Variants in ALG6 observed in about 807,000 individuals in gnomAD.
The protein encoded by ALG6 is ALG6 alpha-1,3-glucosyltransferase.
Under a neutral mutation model 66.6 loss-of-function variants are expected in ALG6, and 46 were observed. That is an observed-to-expected ratio of 0.69 (90% CI 0.55 to 0.88). ALG6 has a LOEUF of 0.88. Ranked by LOEUF, ALG6 falls within the 40% of genes least tolerant of loss-of-function variation. ALG6 has a pLI of 0.00. For synonymous variants in ALG6, 185 were observed against 203.7 expected, an observed-to-expected ratio of 0.91 and a Z score of 0.78; for missense variants, 505 against 586.8, an observed-to-expected ratio of 0.86 and a Z score of 1.44.
Position 63,437,617 on chromosome 1 carries a change from ATTGTT to A in ALG6, c.*600_*604del, listed in dbSNP as rs1644692521. 6.6e-6 allele frequency: 1 copy of A among 152,206 alleles called. No homozygotes were observed. Among genetic ancestry groups the A allele is most frequent in the Admixed American group, 6.6e-5 (1 of 15,258 alleles). The allele number at this position is 152,206 out of a possible 1,614,324, so 9.4% of individuals were successfully genotyped here. A position where few individuals can be genotyped will look rare whatever the true frequency, so the allele number is the denominator to read the frequency against. On this transcript the variant is annotated 3_prime_UTR_variant, in exon 15 of 15. Coordinates refer to ENST00000263440, the MANE Select transcript of ALG6 (RefSeq NM_013339.4). Reference sequence around the variant, plus strand: ...ATGCCTTATTACACATGCAAATTTGATTGTTTTAACAAGGCAAATAAACCATAATC... The same window carrying A: ...ATGCCTTATTACACATGCAAATTTGATTAACAAGGCAAATAAACCATAATC...
chr1:63,414,575 C>T (rs1267085702), intron 10 of ALG6, among the ~76,000 whole-genome samples: 1 of 152,150 alleles, frequency 6.6e-6, no homozygotes, highest in Non-Finnish European at 1.5e-5. Flanking sequence ...AGAGGATTTT[C>T]CACATAAAAG....
At chr1:63,381,845 A>G (rs1023214044) in intron 2 of ALG6, among the ~76,000 whole-genome samples, 1 of 152,094 alleles carries the variant, frequency 6.6e-6, no homozygotes, top group Admixed American at 6.5e-5. Flanking sequence ...TTAAAATACT[A>G]TTTTTGGTAT....
chr1:63,411,107 T>A, intron 7 of ALG6, 39 bp from the exon 8 acceptor site: 1 of 1,605,168 alleles, frequency 6.2e-7, no homozygotes, highest in Non-Finnish European at 8.5e-7. Context: ...TCTATCTTTT[T>A]AAAAGATTAT....
intron 2 of ALG6, among the ~76,000 whole-genome samples, chr1:63,388,717 G>C (rs2100397301): frequency 6.6e-6 from 1 of 152,190 alleles, no homozygotes; most frequent in African/African-American, 2.4e-5. Context: ...TTTCTTTCTG[G>C]TTGAAGAACT....
At position 63,370,987 on chromosome 1, in the gene ALG6, T is replaced by C; in HGVS notation, c.10T>C (p.Trp4Arg). The C allele has an allele frequency of 6.2e-7, 1 of 1,606,936 alleles. No homozygotes were observed. The highest frequency in any genetic ancestry group is 8.5e-7 in the Non-Finnish European group (1 of 1,173,552). ...CTAAATTTGAAGAACTATGGAGAAATGGTACTTGATGACAGTAGTGGTTTT... is the reference window on the plus strand; with the variant it reads ...CTAAATTTGAAGAACTATGGAGAAACGGTACTTGATGACAGTAGTGGTTTT... MEK[W>R]YLMTVVVLIG... The change falls in exon 2 of 15, where the codon TGG (tryptophan) becomes CGG (arginine). Residue 4 changes from tryptophan (W) to arginine (R), a missense_variant. Coordinates refer to ENST00000263440, the MANE Select transcript of ALG6 (RefSeq NM_013339.4).
intron 2 of ALG6, among the ~76,000 whole-genome samples, chr1:63,386,890 G>A (rs2100395419): frequency 6.6e-6 from 1 of 152,072 alleles, no homozygotes; most frequent in South Asian, 2.1e-4. Flanking sequence ...TTGTTTATTT[G>A]AAGTTTTTCT....
intron 12 of ALG6, among the ~76,000 whole-genome samples, chr1:63,425,914 A>G (rs1644612868): frequency 6.6e-6 from 1 of 151,948 alleles, no homozygotes; most frequent in East Asian, 1.9e-4. Context: ...GGTAGGATCA[A>G]AAGATTGTCG....
chr1:63,371,042 C>G lies in ALG6; in HGVS notation c.65C>G (p.Ser22Cys). The stretch of plus-strand genomic sequence containing the variant: ...GGACTAACAGTACGATGGACAGTGT[C>G]TCTTAATTCTTATTCAGGTAATACA... ...LIGLTVRWTVSLNSYSGAGKP... is the reference protein window; with the variant it reads ...LIGLTVRWTVCLNSYSGAGKP... Residue 22 changes from serine (S) to cysteine (C), a missense_variant, in exon 2 of 15, where the codon TCT (serine) becomes TGT (cysteine). Physicochemically the swap from Ser to Cys is moderately radical, Grantham distance 112 (BLOSUM62 -1). Coordinates refer to ENST00000263440, the MANE Select transcript of ALG6 (RefSeq NM_013339.4). 1 of 1,605,234 alleles carries G rather than the reference C, an allele frequency of 6.2e-7. No homozygotes were observed. The highest frequency in any genetic ancestry group is 8.5e-7 in the Non-Finnish European group (1 of 1,172,332).
At chr1:63,408,026 A>C (rs1046583865) in intron 7 of ALG6, among the ~76,000 whole-genome samples, 13 of 152,182 alleles carry the variant, frequency 8.5e-5, no homozygotes, top group Non-Finnish European at 1.3e-4. Context: ...TTAAAACTAT[A>C]TTTACTTTGA....
At chr1:63,393,303 T>C (rs1308641794) in intron 2 of ALG6, among the ~76,000 whole-genome samples, 2 of 152,202 alleles carry the variant, frequency 1.3e-5, no homozygotes, top group South Asian at 2.1e-4. Flanking sequence ...ATTTTTATTA[T>C]TGTAGGTTAT....
intron 12 of ALG6, among the ~76,000 whole-genome samples, chr1:63,427,633 C>T (rs1305829968): frequency 6.6e-6 from 1 of 151,864 alleles, no homozygotes; most frequent in Non-Finnish European, 1.5e-5. Flanking sequence ...CTCAAGGTCA[C>T]ACAGTAAATA....
chr1:63,379,085 A>G (rs1355422396), intron 2 of ALG6, among the ~76,000 whole-genome samples: 3 of 151,830 alleles, frequency 2.0e-5, no homozygotes. Context: ...CTGATTTCAT[A>G]GTTTTTTGTT....
At chr1:63,403,271 T>G (rs1482369369) in intron 4 of ALG6, among the ~76,000 whole-genome samples, 2 of 152,088 alleles carry the variant, frequency 1.3e-5, no homozygotes, top group Non-Finnish European at 2.9e-5. Context: ...ATAAGAAAGT[T>G]TTTTTTCTGG....
chr1:63,373,916 C>T (rs1006454744), intron 2 of ALG6, among the ~76,000 whole-genome samples: 3 of 152,000 alleles, frequency 2.0e-5, no homozygotes, highest in African/African-American at 7.3e-5. Flanking sequence ...GCCACTGCGC[C>T]CAATTTTTTC....
At chr1:63,419,575 GT>G (rs529330200) in intron 12 of ALG6, 135 bp downstream of exon 12, 6 of 703,596 alleles carry the variant, frequency 8.5e-6, no homozygotes, top group Admixed American at 3.6e-5. Flanking sequence ...TCATAGTCAG[GT>G]TTTTTTCCAG....
intron 3 of ALG6, among the ~76,000 whole-genome samples, chr1:63,399,470 C>T (rs928764847): frequency 4.6e-5 from 7 of 152,096 alleles, no homozygotes; most frequent in Non-Finnish European, 8.8e-5. Context: ...CTGTCTACCA[C>T]GACAGTATAG....
rs1222385647 is a variant in ALG6, at chr1:63,437,906, G to C, written c.*886G>C. On this transcript the variant is annotated 3_prime_UTR_variant, in exon 15 of 15. Transcript: ENST00000263440. ...CATCCTATTAATACTGTATCACCCT[G>C]TATTAGCAGAAGCCAATATTTATTA... The C allele has an allele frequency of 1.3e-5, 2 of 151,878 alleles. No individual in the cohort carries two copies. Among genetic ancestry groups the C allele is most frequent in the Non-Finnish European group, 2.9e-5 (2 of 67,974 alleles). The allele number at this position is 151,878 out of a possible 1,614,324, so 9.4% of individuals were successfully genotyped here.
chr1:63,385,184 CTTTTTTTTTTTTTTTTTTTTTTTT>C (rs1165046824), intron 2 of ALG6, among the ~76,000 whole-genome samples: 2 of 58,954 alleles, frequency 3.4e-5, no homozygotes, highest in African/African-American at 6.6e-5. Flanking sequence ...TTTACTTCTT[CTTTTTTTTTTTTTTTTTTTTTTTT>C]TTTTTTTTTG....
chr1:63,402,233 T>G, intron 3 of ALG6, 21 bp from the exon 4 acceptor site: 1 of 1,428,766 alleles, frequency 7.0e-7, no homozygotes, highest in Non-Finnish European at 9.9e-7. Flanking sequence ...AATGGTGCTT[T>G]CTTCTTTTTT....
Sources: gnomAD v4.1 joint callset for allele counts (sites outside exome capture counted in the v4.1 genomes callset) on GRCh38, gnomAD v4.1.1 for gene constraint, MANE v1.5 for transcripts, NCBI Gene and HGNC (gene_info 2026-07-23, HGNC 2026-07-21) for gene names.